TAF2: variants seen among roughly 807,000 people sequenced by gnomAD.
TAF2 encodes transcription initiation factor TFIID subunit 2.
A neutral mutation model predicts 138.5 loss-of-function variants in TAF2; 61 were observed. The ratio of observed to expected loss-of-function variants is 0.44; its 90% CI spans 0.36 to 0.54. The LOEUF (loss-of-function observed/expected upper bound fraction) is 0.54. Among genes scored for constraint, TAF2 ranks in the 20% least tolerant of loss-of-function variants. The pLI is 0.00. For synonymous variants in TAF2, 475 were observed against 469.9 expected (o/e 1.01, Z -0.14); for missense variants, 1,090 against 1,427.9 (o/e 0.76, Z 3.81).
At chr8:119,757,650 G>A (rs1205413494) in intron 21 of TAF2, among the ~76,000 whole-genome samples, 2 of 151,088 alleles carry the variant, frequency 1.3e-5, no homozygotes, top group Non-Finnish European at 2.9e-5. Flanking sequence ...CACTTTGGGA[G>A]GCCCAAGGGC....
In TAF2 at chr8:119,744,262, C is replaced by A. The variant is rs1377279351; in HGVS notation, c.3214+26G>T. 11 of 1,590,030 alleles carry A rather than the reference C, an allele frequency of 6.9e-6. No homozygotes were observed. The East Asian group carries it at 2.2e-4, about 32-fold the overall frequency. ...ACATCAACCAATGTCTCCATCTCCTCAATGATTGCAGAATACTAATCTTAC... is the reference window on the plus strand; with the variant it reads ...ACATCAACCAATGTCTCCATCTCCTAAATGATTGCAGAATACTAATCTTAC... On this transcript the variant is annotated intron_variant, in intron 24 of 25. Coordinates refer to ENST00000378164, the MANE Select transcript of TAF2 (RefSeq NM_003184.4).
chr8:119,795,065 A>T (rs1047842473), intron 9 of TAF2, among the ~76,000 whole-genome samples: 1 of 152,132 alleles, frequency 6.6e-6, no homozygotes, highest in Admixed American at 6.5e-5. Context: ...AGATGTGACA[A>T]TGACAACATA....
At chr8:119,745,160 A>G (rs1586299549) in intron 23 of TAF2, 2 of 362,672 alleles carry the variant, frequency 5.5e-6, no homozygotes, top group East Asian at 1.5e-4. Flanking sequence ...ATTATCAGCA[A>G]TGGGCTTAAA....
chr8:119,781,630 A>G (rs1400170523), intron 16 of TAF2, among the ~76,000 whole-genome samples: 1 of 151,978 alleles, frequency 6.6e-6, no homozygotes, highest in Non-Finnish European at 1.5e-5. Flanking sequence ...GGTTGCAGTG[A>G]GCCAAGATGG....
intron 23 of TAF2, among the ~76,000 whole-genome samples, chr8:119,746,492 C>T (rs1333335862): frequency 4.6e-5 from 7 of 151,834 alleles, no homozygotes; most frequent in Middle Eastern, 3.4e-3. Context: ...GTAACAGGAC[C>T]GGGAGCACAT....
rs962626896 is a variant in TAF2, at chr8:119,778,125, A to G, written c.2258T>C (p.Met753Thr). ...TCTTAATAAAGCCATTGCAACTGGC[A>G]TAGTCTACAAAAGAAAAAAAAGAAC... ...SFQSYFLQKT[M>T]PVAMALLRDV... Residue 753 changes from methionine (M) to threonine (T), a missense_variant, in exon 18 of 26, where the codon ATG becomes ACG. This residue lies in a region of TAF2 where 580 missense variants were observed against 719.6 expected (regional missense o/e 0.81). Transcript: ENST00000378164. 1.3e-6 allele frequency: 2 copies of G among 1,590,176 alleles called. No homozygotes were observed. The highest frequency in any genetic ancestry group is 1.7e-6 in the Non-Finnish European group (2 of 1,164,170).
At chr8:119,757,710 A>G (rs1227853087) in intron 21 of TAF2, among the ~76,000 whole-genome samples, 2 of 152,118 alleles carry the variant, frequency 1.3e-5, no homozygotes, top group Non-Finnish European at 2.9e-5. Flanking sequence ...AGCCTGGCCA[A>G]CATGGCAAAA....
chr8:119,804,325 C>A (rs1824467277), intron 4 of TAF2, among the ~76,000 whole-genome samples: 1 of 152,142 alleles, frequency 6.6e-6, no homozygotes, highest in South Asian at 2.1e-4. Flanking sequence ...CCTAAAAAGT[C>A]CAAAACTCCC....
intron 18 of TAF2, among the ~76,000 whole-genome samples, chr8:119,777,637 TA>T (rs922430566): frequency 3.3e-5 from 5 of 152,182 alleles, no homozygotes; most frequent in African/African-American, 9.7e-5. Flanking sequence ...AGGAACAAGT[TA>T]ATCCCAATCG....
In TAF2 at chr8:119,752,177, A is replaced by C. The variant is rs1820399233; in HGVS notation, c.2878+3829T>G. ...ATGATTATGCATTGTATTATTCTTA[A>C]AATTTTTAAGCTTTAAAAATTTTAG... On this transcript the variant is annotated intron_variant, in intron 22 of 25. Coordinates refer to ENST00000378164, the MANE Select transcript of TAF2 (RefSeq NM_003184.4). Among the ~76,000 whole-genome samples, 3 of 152,228 alleles carry C rather than the reference A, an allele frequency of 2.0e-5. No homozygotes were observed. In the South Asian group the frequency reaches 6.2e-4, roughly 31 times the overall value.
At chr8:119,786,582 A>C (rs1461584716) in intron 14 of TAF2, among the ~76,000 whole-genome samples, 1 of 152,200 alleles carries the variant, frequency 6.6e-6, no homozygotes, top group African/African-American at 2.4e-5. Context: ...TGGAAGTAAA[A>C]TGAGGAAAAA....
intron 22 of TAF2, among the ~76,000 whole-genome samples, chr8:119,754,347 C>T (rs1820556791): frequency 6.6e-6 from 1 of 152,116 alleles, no homozygotes; most frequent in Non-Finnish European, 1.5e-5. Context: ...AACTTATTTT[C>T]CAATATCATA....
intron 6 of TAF2, among the ~76,000 whole-genome samples, chr8:119,799,739 G>A (rs1170729533): frequency 6.6e-6 from 1 of 152,042 alleles, no homozygotes; most frequent in Admixed American, 6.6e-5. Context: ...TGTCTTCCAC[G>A]ATGGTTGAAC....
chr8:119,753,915 GTTCCTGAACTTAAGTGTTAA>G (rs1031833089), intron 22 of TAF2, among the ~76,000 whole-genome samples: 3 of 152,078 alleles, frequency 2.0e-5, no homozygotes, highest in African/African-American at 7.2e-5. Context: ...ACCTTTATAA[GTTCCTGAACTTAAGTGTTAA>G]TTCCCTGGGT....
chr8:119,755,172 A>G (rs1294823170), intron 22 of TAF2, among the ~76,000 whole-genome samples: 1 of 152,224 alleles, frequency 6.6e-6, no homozygotes, highest in East Asian at 1.9e-4. Flanking sequence ...ACTCCTAAAC[A>G]CTGTTTTCTT....
At chr8:119,818,354 T>C (rs992089211) in intron 3 of TAF2, among the ~76,000 whole-genome samples, 5 of 152,206 alleles carry the variant, frequency 3.3e-5, no homozygotes, top group Non-Finnish European at 7.3e-5. Flanking sequence ...ATTATACCTC[T>C]AGACTAGTTA....
chr8:119,795,707 T>C, intron 8 of TAF2, 76 bp from the exon 9 acceptor site: 2 of 1,284,752 alleles, frequency 1.6e-6, no homozygotes, highest in Non-Finnish European at 2.3e-6. Flanking sequence ...GATAACGGAA[T>C]AAGTGTAGTG....
chr8:119,788,507 T>C lies in TAF2; in HGVS notation c.1684-60A>G, dbSNP rs533611510. On this transcript the variant is annotated intron_variant, in intron 13 of 25. Coordinates refer to ENST00000378164, the MANE Select transcript of TAF2 (RefSeq NM_003184.4). ...ATTTAAAAAATACCAATATGTATGC[T>C]TATGTGTACAGAGAAATATAAATCA... is the stretch of plus-strand genomic sequence containing the variant. 20 of 1,247,774 alleles carry C rather than the reference T, an allele frequency of 1.6e-5. No homozygotes were observed. The South Asian group carries it at 2.1e-4, about 13-fold the overall frequency. 77.3% of individuals were successfully genotyped at this position (1,247,774 alleles called of 1,614,324 possible). A position where few individuals can be genotyped will look rare whatever the true frequency, so the allele number is the denominator to read the frequency against.
At chr8:119,792,612 G>C (rs1823518739) in intron 10 of TAF2, among the ~76,000 whole-genome samples, 1 of 152,092 alleles carries the variant, frequency 6.6e-6, no homozygotes, top group African/African-American at 2.4e-5. Flanking sequence ...TTTGAATGAT[G>C]GTGCCCCCTC....
Sources: gnomAD v4.1 joint callset for allele counts (sites outside exome capture counted in the v4.1 genomes callset) on GRCh38, gnomAD v4.1.1 for gene constraint, gnomAD v4.1.1 regional missense constraint, MANE v1.5 for transcripts, NCBI Gene and HGNC (gene_info 2026-07-23, HGNC 2026-07-21) for gene names.